The following ANKRD42 variants were observed in gnomAD, a reference collection of about 807,000 sequenced individuals.
The protein encoded by ANKRD42 is ankyrin repeat domain 42, also known as ankyrin repeat domain-containing protein 42.
A neutral mutation model predicts 51.5 loss-of-function variants in ANKRD42; 43 were observed. The observed-to-expected ratio is 0.83, with a 90% CI of 0.65 to 1.08. The LOEUF (loss-of-function observed/expected upper bound fraction) is 1.08, where lower values mean the gene tolerates loss of function less well. ANKRD42 is among the 50% of genes least tolerant of loss of function. The pLI is 0.00. For synonymous variants in ANKRD42, 203 were observed against 213.0 expected (o/e 0.95, Z 0.41); for missense variants, 608 against 629.3 (o/e 0.97, Z 0.36).
chr11:83,218,333 AT>A (rs1195158899), intron 5 of ANKRD42, among the ~76,000 whole-genome samples: 1 of 152,014 alleles, frequency 6.6e-6, no homozygotes, highest in Non-Finnish European at 1.5e-5. Context: ...CCTGTGGGGA[AT>A]TTTTCCTTTT....
At chr11:83,223,823 C>T (rs1345084367) in intron 5 of ANKRD42, among the ~76,000 whole-genome samples, 1 of 152,274 alleles carries the variant, frequency 6.6e-6, no homozygotes, top group East Asian at 1.9e-4. Flanking sequence ...CATTACCCTG[C>T]CTCTCCATAA....
chr11:83,208,103 A>G (rs7115760), intron 3 of ANKRD42, among the ~76,000 whole-genome samples: 3,195 of 152,254 alleles, frequency 0.021, 115 homozygotes, highest in African/African-American at 0.069. Context: ...GACTCACTGC[A>G]GCATCAACCT....
downstream of ANKRD42, among the ~76,000 whole-genome samples, chr11:83,262,398 C>A (rs188682507): frequency 1.4e-4 from 21 of 152,012 alleles, no homozygotes; most frequent in Admixed American, 5.9e-4. Context: ...TAAATAATTT[C>A]TCATAATTCT....
chr11:83,241,404 T>C (rs1332816444), intron 9 of ANKRD42, among the ~76,000 whole-genome samples: 1 of 152,068 alleles, frequency 6.6e-6, no homozygotes, highest in Non-Finnish European at 1.5e-5. Context: ...AAAATAGATA[T>C]ATAAAGTAAA....
chr11:83,231,602 G>T (rs546323886), intron 7 of ANKRD42, among the ~76,000 whole-genome samples: 1 of 152,280 alleles, frequency 6.6e-6, no homozygotes, highest in South Asian at 2.1e-4. Flanking sequence ...TGTGCTTGTA[G>T]GGTATTGCTC....
At chr11:83,254,400 T>C (rs1863727438) in intron 11 of ANKRD42, among the ~76,000 whole-genome samples, 1 of 151,660 alleles carries the variant, frequency 6.6e-6, no homozygotes, top group Non-Finnish European at 1.5e-5. Context: ...TAGGTTAAAC[T>C]CCTGCCCCAC....
At chr11:83,259,266 A>G (rs559095768), downstream of ANKRD42, 40 of 152,300 alleles carry the variant, frequency 2.6e-4, no homozygotes, top group East Asian at 6.6e-3. Context: ...TAGAAACACA[A>G]TCCTCTCATC....
chr11:83,239,929 G>A (rs1863338324), intron 8 of ANKRD42, among the ~76,000 whole-genome samples: 1 of 152,118 alleles, frequency 6.6e-6, no homozygotes, highest in Non-Finnish European at 1.5e-5. Context: ...TTACAACCTA[G>A]TCGTAGACTT....
At chr11:83,211,157 A>G in intron 4 of ANKRD42, 138 bp from the exon 5 acceptor site, 2 of 1,031,968 alleles carry the variant, frequency 1.9e-6, no homozygotes. Flanking sequence ...TAGTGGTTGC[A>G]GTACATTTTT....
At chr11:83,235,728 T>G (rs1863204240) in intron 7 of ANKRD42, among the ~76,000 whole-genome samples, 1 of 152,210 alleles carries the variant, frequency 6.6e-6, no homozygotes, top group Non-Finnish European at 1.5e-5. Flanking sequence ...AGAAGAATAG[T>G]TACAGGTTAA....
intron 3 of ANKRD42, among the ~76,000 whole-genome samples, chr11:83,207,549 A>G (rs557326219): frequency 6.6e-6 from 1 of 152,366 alleles, no homozygotes; most frequent in South Asian, 2.1e-4. Flanking sequence ...GTAAGTAATG[A>G]GGAAGTATTA....
At chr11:83,216,487 G>A (rs954860559) in intron 5 of ANKRD42, among the ~76,000 whole-genome samples, 4 of 152,022 alleles carry the variant, frequency 2.6e-5, no homozygotes, top group African/African-American at 9.7e-5. Context: ...ACCTCGCCCG[G>A]CTAATTTTTT....
intron 6 of ANKRD42, among the ~76,000 whole-genome samples, chr11:83,226,133 A>T (rs1361284667): frequency 6.6e-6 from 1 of 152,156 alleles, no homozygotes; most frequent in East Asian, 1.9e-4. Context: ...AATATTTTCC[A>T]TCTGTTCAAT....
At chr11:83,234,138 T>C (rs190299840) in intron 7 of ANKRD42, among the ~76,000 whole-genome samples, 4 of 152,376 alleles carry the variant, frequency 2.6e-5, no homozygotes, top group Non-Finnish European at 4.4e-5. Flanking sequence ...AACTTCCTTC[T>C]TAATTTTTTC....
chr11:83,243,966 C>CTTTT (rs1565196572), intron 9 of ANKRD42, among the ~76,000 whole-genome samples: 4 of 91,956 alleles, frequency 4.3e-5, no homozygotes, highest in African/African-American at 1.3e-4. Context: ...GCCTGGCTGC[C>CTTTT]CTTTTTTTTT....
intron 5 of ANKRD42, among the ~76,000 whole-genome samples, chr11:83,211,965 T>C (rs1206300227): frequency 2.6e-5 from 4 of 152,164 alleles, no homozygotes; most frequent in Non-Finnish European, 2.9e-5. Flanking sequence ...AAAAGAGAAA[T>C]TGGCAAAATT....
Position 83,225,897 on chromosome 11 carries a change from T to C in ANKRD42, c.787+842T>C, listed in dbSNP as rs1862867401. Among the ~76,000 whole-genome samples, 4 of 152,198 alleles carry C rather than the reference T, an allele frequency of 2.6e-5. No homozygotes were observed. The South Asian group carries it at 8.3e-4, about 32-fold the overall frequency. ...TCAAGGGTAAACTATTATTTTAGATTTTTCATTCCATTCTGTGGTTTTATA... is the reference window on the plus strand; with the variant it reads ...TCAAGGGTAAACTATTATTTTAGATCTTTCATTCCATTCTGTGGTTTTATA... On this transcript the variant is annotated intron_variant, in intron 6 of 10. Coordinates refer to ENST00000533342, the MANE Select transcript of ANKRD42 (RefSeq NM_001300975.2).
chr11:83,231,695 T>G (rs1232224211), intron 7 of ANKRD42, among the ~76,000 whole-genome samples: 3 of 152,234 alleles, frequency 2.0e-5, no homozygotes, highest in Admixed American at 6.5e-5. Context: ...GGTCCTAGAT[T>G]TAAGTCTTTA....
intron 2 of ANKRD42, among the ~76,000 whole-genome samples, chr11:83,204,630 T>G (rs531891641): frequency 6.6e-6 from 1 of 151,524 alleles, no homozygotes; most frequent in East Asian, 1.9e-4. Flanking sequence ...ACCCTCTGAA[T>G]CTAAAATTAA....
Sources: gnomAD v4.1 joint callset for allele counts (sites outside exome capture counted in the v4.1 genomes callset) on GRCh38, gnomAD v4.1.1 for gene constraint, MANE v1.5 for transcripts, NCBI Gene and HGNC (gene_info 2026-07-23, HGNC 2026-07-21) for gene names.